Variants in MKLN1 observed in about 807,000 individuals in gnomAD.
MKLN1 encodes the protein muskelin 1.
A neutral mutation model predicts 99.0 loss-of-function variants in MKLN1; 18 were observed. The ratio of observed to expected loss-of-function variants is 0.18; its 90% CI spans 0.13 to 0.27. The LOEUF (loss-of-function observed/expected upper bound fraction) is 0.27, where lower values mean the gene tolerates loss of function less well. Among genes scored for constraint, MKLN1 ranks in the 10% least tolerant of loss-of-function variants. MKLN1 has a pLI of 1.00. For missense variants in MKLN1, 621 were observed against 875.9 expected (o/e 0.71, Z 3.67); for synonymous variants, 288 against 293.2 (o/e 0.98, Z 0.18).
chr7:131,471,350 A>G (rs958227598), intron 16 of MKLN1, among the ~76,000 whole-genome samples: 6 of 152,140 alleles, frequency 3.9e-5, no homozygotes, highest in African/African-American at 1.4e-4. Flanking sequence ...GCTTAGGGAG[A>G]AAATGAAGAG....
intron 3 of MKLN1, among the ~76,000 whole-genome samples, chr7:131,211,556 C>A (rs983641654): frequency 1.3e-5 from 2 of 151,550 alleles, no homozygotes; most frequent in Admixed American, 1.3e-4. Context: ...TTTGCCCCTA[C>A]GCTTTTCACT....
intron 12 of MKLN1, among the ~76,000 whole-genome samples, chr7:131,459,086 G>A (rs1399254436): frequency 6.6e-6 from 1 of 152,170 alleles, no homozygotes; most frequent in Admixed American, 6.5e-5. Flanking sequence ...ATTTAATGAA[G>A]AATGAACAGC....
chr7:131,234,016 G>T (rs933714143), intron 3 of MKLN1, among the ~76,000 whole-genome samples: 1 of 151,746 alleles, frequency 6.6e-6, no homozygotes. Flanking sequence ...TCTTGCTCTT[G>T]TCCCCCAGGC....
intron 1 of MKLN1, among the ~76,000 whole-genome samples, chr7:131,123,193 G>T (rs775334524): frequency 2.0e-5 from 3 of 152,128 alleles, no homozygotes; most frequent in Non-Finnish European, 4.4e-5. Flanking sequence ...AGATGTAGTT[G>T]AAACAATATT....
At chr7:131,207,310 G>A (rs1241778107) in intron 3 of MKLN1, among the ~76,000 whole-genome samples, 2 of 152,086 alleles carry the variant, frequency 1.3e-5, no homozygotes, top group Non-Finnish European at 2.9e-5. Flanking sequence ...TGATTCTTGT[G>A]CCTCAGCCTT....
At chr7:131,470,181 G>A (rs1348260112) in intron 15 of MKLN1, among the ~76,000 whole-genome samples, 2 of 151,700 alleles carry the variant, frequency 1.3e-5, no homozygotes, top group Non-Finnish European at 2.9e-5. Context: ...TGTTTTTTTT[G>A]TGTGATAAAC....
intron 1 of MKLN1, among the ~76,000 whole-genome samples, chr7:131,112,490 T>A (rs540972327): frequency 2.0e-5 from 3 of 152,220 alleles, no homozygotes; most frequent in Non-Finnish European, 2.9e-5. Context: ...ACTTAGTCTC[T>A]CCCTGCCTCA....
chr7:131,285,877 A>G (rs1322546138), intron 3 of MKLN1, among the ~76,000 whole-genome samples: 1 of 151,474 alleles, frequency 6.6e-6, no homozygotes, highest in Admixed American at 6.6e-5. Flanking sequence ...TCTTATAAAA[A>G]CCATTCATCA....
At chr7:131,313,175 CTA>C (rs1798600201) in intron 3 of MKLN1, among the ~76,000 whole-genome samples, 1 of 152,104 alleles carries the variant, frequency 6.6e-6, no homozygotes, top group South Asian at 2.1e-4. Flanking sequence ...AATTTAAAAA[CTA>C]TCTTAATTTA....
intron 3 of MKLN1, among the ~76,000 whole-genome samples, chr7:131,269,018 A>G (rs1797847781): frequency 6.6e-6 from 1 of 152,224 alleles, no homozygotes; most frequent in Non-Finnish European, 1.5e-5. Context: ...GACCAAGCCC[A>G]TGCAGACATG....
At chr7:131,246,250 C>T (rs973548206) in intron 3 of MKLN1, among the ~76,000 whole-genome samples, 1 of 152,228 alleles carries the variant, frequency 6.6e-6, no homozygotes, top group Admixed American at 6.5e-5. Context: ...TTGTCGGCTG[C>T]TGATGTTTGC....
intron 3 of MKLN1, among the ~76,000 whole-genome samples, chr7:131,243,930 G>A (rs1797445917): frequency 6.6e-6 from 1 of 152,066 alleles, no homozygotes. Context: ...CAGGAGAATC[G>A]CTTGAACCAG....
intron 2 of MKLN1, among the ~76,000 whole-genome samples, chr7:131,189,278 CA>C (rs1319138397): frequency 2.6e-5 from 4 of 152,096 alleles, no homozygotes; most frequent in Non-Finnish European, 4.4e-5. Flanking sequence ...AAATGACAGA[CA>C]GGGGAGAATT....
chr7:131,408,320 T>C (rs2116308626), intron 6 of MKLN1, among the ~76,000 whole-genome samples: 1 of 152,312 alleles, frequency 6.6e-6, no homozygotes, highest in South Asian at 2.1e-4. Context: ...GAAATCAGCT[T>C]CTTAAAAATT....
chr7:131,372,078 A>T (rs1793480677), intron 1 of MKLN1, among the ~76,000 whole-genome samples: 1 of 151,930 alleles, frequency 6.6e-6, no homozygotes, highest in East Asian at 1.9e-4. Context: ...TTTCCTAGGA[A>T]CTGTGAAAGA....
intron 8 of MKLN1, among the ~76,000 whole-genome samples, chr7:131,427,155 A>G (rs1795381644): frequency 6.6e-6 from 1 of 152,240 alleles, no homozygotes. Context: ...GTTCTTATCC[A>G]GAAAGCAGTG....
chr7:131,440,261 T>A (rs886680154), intron 10 of MKLN1, among the ~76,000 whole-genome samples: 13 of 152,092 alleles, frequency 8.5e-5, no homozygotes, highest in African/African-American at 3.1e-4. Flanking sequence ...CAATGGCCAG[T>A]AAGAAACCTG....
chr7:131,340,465 G>C (rs1360078344), intron 1 of MKLN1, among the ~76,000 whole-genome samples: 1 of 151,892 alleles, frequency 6.6e-6, no homozygotes, highest in East Asian at 1.9e-4. Context: ...TTTTAGTAGA[G>C]GCGGAGTTTC....
chr7:131,454,049 T>C (rs1219001666), intron 12 of MKLN1, among the ~76,000 whole-genome samples: 1 of 147,086 alleles, frequency 6.8e-6, no homozygotes, highest in Non-Finnish European at 1.5e-5. Context: ...TTGAAATGTA[T>C]TTGGTACAGC....
Sources: gnomAD v4.1 joint callset for allele counts (sites outside exome capture counted in the v4.1 genomes callset) on GRCh38, gnomAD v4.1.1 for gene constraint, MANE v1.5 for transcripts, NCBI Gene and HGNC (gene_info 2026-07-23, HGNC 2026-07-21) for gene names.